GABRA2: variants seen among roughly 807,000 people sequenced by gnomAD.
The protein encoded by GABRA2 is gamma-aminobutyric acid receptor subunit alpha-2.
GABRA2 carries 16 observed loss-of-function variants against 48.7 expected under a neutral mutation model. The ratio of observed to expected loss-of-function variants is 0.33; its 90% CI spans 0.22 to 0.50. The LOEUF (loss-of-function observed/expected upper bound fraction) is 0.50. Among genes scored for constraint, GABRA2 ranks in the 20% least tolerant of loss-of-function variants. The pLI is 0.98. For missense variants in GABRA2, 275 were observed against 535.6 expected (o/e 0.51, Z 4.80); for synonymous variants, 185 against 184.5 (o/e 1.00, Z -0.02).
intron 3 of GABRA2, among the ~76,000 whole-genome samples, chr4:46,350,555 C>CT (rs1259160525): frequency 6.6e-6 from 1 of 151,604 alleles, no homozygotes; most frequent in East Asian, 1.9e-4. Flanking sequence ...ATATATGTCT[C>CT]TGTCATATCT....
intron 6 of GABRA2, among the ~76,000 whole-genome samples, chr4:46,309,752 G>C (rs939796149): frequency 2.6e-5 from 4 of 152,048 alleles, no homozygotes; most frequent in Non-Finnish European, 4.4e-5. Context: ...AGAAGACAAT[G>C]ACACAGACTA....
At chr4:46,324,202 G>T (rs892271928) in intron 4 of GABRA2, among the ~76,000 whole-genome samples, 3 of 151,670 alleles carry the variant, frequency 2.0e-5, no homozygotes, top group Admixed American at 2.0e-4. Flanking sequence ...CCTTTTCTTG[G>T]TTTTACCGTA....
At position 46,390,108 on chromosome 4, in the gene GABRA2, GC is replaced by G; in HGVS notation, c.-385del. On this transcript the variant is annotated 5_prime_UTR_variant, in exon 1 of 10. Coordinates refer to ENST00000381620, the MANE Select transcript of GABRA2 (RefSeq NM_000807.4). Reference sequence around the variant, plus strand: ...GGAGGCGCGGTGCGCGCCGGCGGTGGCGGGCACGAGCCCCGCGCCTGGAGGA... The same window carrying G: ...GGAGGCGCGGTGCGCGCCGGCGGTGGGGGCACGAGCCCCGCGCCTGGAGGA... 2 of 975,514 alleles carry G rather than the reference GC, an allele frequency of 2.1e-6. No homozygotes were observed. The highest frequency in any genetic ancestry group is 2.4e-6 in the Non-Finnish European group (2 of 821,228). The allele number at this position is 975,514 out of a possible 1,614,324, so 60.4% of individuals were successfully genotyped here.
chr4:46,251,820 A>G (rs78912255), intron 9 of GABRA2, among the ~76,000 whole-genome samples: 2,887 of 151,544 alleles, frequency 0.019, 99 homozygotes, highest in African/African-American at 0.067. Context: ...TCACCTTTGT[A>G]ATCTTAGCAC....
chr4:46,320,628 AATGGTCAAT>A (rs561661082), intron 4 of GABRA2, among the ~76,000 whole-genome samples: 45 of 152,020 alleles, frequency 3.0e-4, no homozygotes, highest in Non-Finnish European at 5.5e-4. Flanking sequence ...AAAAACACAA[AATGGTCAAT>A]AAGTATATAA....
chr4:46,264,471 T>C (rs913251953), intron 8 of GABRA2, among the ~76,000 whole-genome samples: 12 of 152,008 alleles, frequency 7.9e-5, no homozygotes, highest in African/African-American at 2.7e-4. Flanking sequence ...TCCATAAATA[T>C]GTTGTATTAT....
At chr4:46,288,249 G>T (rs2109513286) in intron 8 of GABRA2, among the ~76,000 whole-genome samples, 1 of 152,224 alleles carries the variant, frequency 6.6e-6, no homozygotes, top group Non-Finnish European at 1.5e-5. Flanking sequence ...TCCTTATTTG[G>T]CTCTCGGCTT....
intron 8 of GABRA2, among the ~76,000 whole-genome samples, chr4:46,264,575 T>G (rs539090128): frequency 6.6e-6 from 1 of 152,216 alleles, no homozygotes; most frequent in Non-Finnish European, 1.5e-5. Flanking sequence ...TGTGGCTGAT[T>G]TTAGTTTGCT....
chr4:46,388,885 T>G (rs1717840183), intron 1 of GABRA2, 169 bp from the exon 2 acceptor site: 1 of 1,361,682 alleles, frequency 7.3e-7, no homozygotes, highest in Admixed American at 3.5e-5. Flanking sequence ...GATTTCTTTT[T>G]TATGGACCCC....
chr4:46,349,328 CT>C (rs1031113599), intron 3 of GABRA2, among the ~76,000 whole-genome samples: 6 of 151,772 alleles, frequency 4.0e-5, no homozygotes, highest in African/African-American at 1.5e-4. Flanking sequence ...TTTTTATCTC[CT>C]TGTTGGATAT....
chr4:46,301,627 GA>G (rs1283457828), intron 8 of GABRA2, among the ~76,000 whole-genome samples: 1 of 152,080 alleles, frequency 6.6e-6, no homozygotes. Context: ...ATCTGCCTGG[GA>G]AAGTCCTACT....
intron 4 of GABRA2, among the ~76,000 whole-genome samples, chr4:46,314,764 T>C (rs1728258366): frequency 6.6e-6 from 1 of 152,130 alleles, no homozygotes; most frequent in South Asian, 2.1e-4. Context: ...CTGCGTTGAT[T>C]TGCTTAGGAT....
intron 8 of GABRA2, among the ~76,000 whole-genome samples, chr4:46,286,240 T>C (rs1577908487): frequency 6.6e-6 from 1 of 152,106 alleles, no homozygotes; most frequent in African/African-American, 2.4e-5. Flanking sequence ...TCACTAAGCA[T>C]AGAATTTCTA....
chr4:46,276,326 T>G (rs902546781), intron 8 of GABRA2, among the ~76,000 whole-genome samples: 1 of 152,068 alleles, frequency 6.6e-6, no homozygotes, highest in Non-Finnish European at 1.5e-5. Flanking sequence ...ACTAGGTTAA[T>G]TTCCCTTAAA....
At chr4:46,366,519 G>C (rs1328324791) in intron 3 of GABRA2, 1 of 152,012 alleles carries the variant, frequency 6.6e-6, no homozygotes, top group Non-Finnish European at 1.5e-5. Context: ...AAAGGCTCTT[G>C]AGAAAATTAT....
chr4:46,279,056 T>C (rs938170268), intron 8 of GABRA2, among the ~76,000 whole-genome samples: 1 of 151,968 alleles, frequency 6.6e-6, no homozygotes, highest in Non-Finnish European at 1.5e-5. Context: ...TTTTGGGAAC[T>C]CCCAGAACTT....
intron 3 of GABRA2, among the ~76,000 whole-genome samples, chr4:46,370,059 T>C (rs1015776968): frequency 5.3e-5 from 8 of 151,684 alleles, no homozygotes; most frequent in African/African-American, 1.7e-4. Flanking sequence ...TAGTGACAAG[T>C]AGTAAGAGAT....
rs141621367 is a variant in GABRA2 at position 46,331,857 on chromosome 4, G to A, written c.255+758C>T. Among the ~76,000 whole-genome samples the A allele has an allele frequency of 5.3e-3, 804 of 152,086 alleles. 5 individuals carry two copies. Among genetic ancestry groups the A allele is most frequent in the Non-Finnish European group, 8.2e-3 (557 of 67,988 alleles). On this transcript the variant is annotated intron_variant, in intron 4 of 9. Coordinates refer to ENST00000381620, the MANE Select transcript of GABRA2 (RefSeq NM_000807.4). ...AGTGATCCTCCCACATCAGCCTTCTGACCACAGGCATGTGCTATCACACCC... is the reference window on the plus strand; with the variant it reads ...AGTGATCCTCCCACATCAGCCTTCTAACCACAGGCATGTGCTATCACACCC...
intron 3 of GABRA2, among the ~76,000 whole-genome samples, chr4:46,336,671 C>G (rs949022469): frequency 6.6e-6 from 1 of 152,042 alleles, no homozygotes; most frequent in Non-Finnish European, 1.5e-5. Context: ...AATGTATAAT[C>G]CTTAGAGCAA....
Sources: allele counts gnomAD v4.1 joint callset (sites outside exome capture counted in the v4.1 genomes callset), GRCh38; gene constraint gnomAD v4.1.1; transcripts MANE v1.5; gene names NCBI Gene and HGNC (gene_info 2026-07-23, HGNC 2026-07-21).